CREBRF: variants seen among roughly 807,000 people sequenced by gnomAD.
The protein encoded by CREBRF is CREB3 regulatory factor.
A neutral mutation model predicts 66.1 loss-of-function variants in CREBRF; 5 were observed. That is an observed-to-expected ratio of 0.08 (90% CI 0.04 to 0.16). The LOEUF is 0.16. CREBRF is among the 10% of genes least tolerant of loss of function. CREBRF has a pLI of 1.00. For synonymous variants in CREBRF, 229 were observed against 264.4 expected (o/e 0.87, Z 1.30); for missense variants, 531 against 744.9 (o/e 0.71, Z 3.34).
In CREBRF at chr5:173,090,438, A is replaced by G. The variant is rs1462478915; in HGVS notation, c.259A>G (p.Asn87Asp). 3 of 1,613,974 alleles carry G rather than the reference A, an allele frequency of 1.9e-6. No individual in the cohort carries two copies. The highest frequency in any genetic ancestry group is 2.5e-6 in the Non-Finnish European group (3 of 1,179,952). The part of the protein sequence containing the change: ...VLDNEGALTS[N>D]WEQWDTYCED... The stretch of plus-strand genomic sequence containing the variant: ...GGATAATGAGGGTGCTTTAACCTCA[A>G]ACTGGGAACAGTGGGATACATACTG... The change falls in exon 4 of 9, where the codon AAC becomes GAC. Residue 87 changes from asparagine to aspartate, a missense_variant. Transcript: ENST00000296953. This position sits in a 1 kb window ranked among gnomAD's most constrained non-coding sequence, Gnocchi z 4.5.
chr5:173,075,035 A>G (rs183715640), intron 1 of CREBRF, among the ~76,000 whole-genome samples: 47 of 152,354 alleles, frequency 3.1e-4, no homozygotes, highest in African/African-American at 1.1e-3. Context: ...TTACAAGGTC[A>G]TTATAAGTAC....
chr5:173,118,173 C>T (rs1759054091), intron 7 of CREBRF, among the ~76,000 whole-genome samples: 1 of 151,990 alleles, frequency 6.6e-6, no homozygotes, highest in Non-Finnish European at 1.5e-5. Flanking sequence ...GGTGCCTGGC[C>T]TGATTTTTGT....
chr5:173,134,428 GA>G lies in CREBRF; in HGVS notation c.*688del. The G allele has an allele frequency of 1.4e-5, 4 of 293,826 alleles. No homozygotes were observed. The highest frequency in any genetic ancestry group is 8.6e-5 in the South Asian group (3 of 34,700). 18.2% of individuals were successfully genotyped at this position (293,826 alleles called of 1,614,324 possible). A position where few individuals can be genotyped will look rare whatever the true frequency, so the allele number is the denominator to read the frequency against. ...TGAGAAAAAACAAGATATATAGATG[GA>G]AAAATTATGGGGTTTAAATGTTTTT... On this transcript the variant is annotated 3_prime_UTR_variant, in exon 9 of 9. Transcript: ENST00000296953.
intron 4 of CREBRF, among the ~76,000 whole-genome samples, chr5:173,099,862 G>T (rs534458457): frequency 6.8e-6 from 1 of 147,722 alleles, no homozygotes; most frequent in Non-Finnish European, 1.5e-5. Flanking sequence ...TTCATATTGT[G>T]TATCCCTTAA....
rs1407371126 is a variant in CREBRF, at chr5:173,136,125, G to A, written c.*2380G>A. 1 of 152,136 alleles carries A rather than the reference G, an allele frequency of 6.6e-6. No homozygotes were observed. The highest frequency in any genetic ancestry group is 1.5e-5 in the Non-Finnish European group (1 of 67,880). 9.4% of individuals were successfully genotyped at this position (152,136 alleles called of 1,614,324 possible). On this transcript the variant is annotated 3_prime_UTR_variant, in exon 9 of 9. Transcript: ENST00000296953. ...CACCTCATGATATTCAGCTGATAAG[G>A]TTTATAAAATTGCCCCTTTCTAGCT... is the stretch of plus-strand genomic sequence containing the variant.
chr5:173,082,711 C>G (rs1757994061), intron 2 of CREBRF, among the ~76,000 whole-genome samples: 1 of 150,820 alleles, frequency 6.6e-6, no homozygotes, highest in African/African-American at 2.4e-5. Flanking sequence ...AGTTTGAAAC[C>G]AGCCTGACCA....
chr5:173,105,437 T>G (rs1758726964), intron 4 of CREBRF, among the ~76,000 whole-genome samples: 1 of 152,044 alleles, frequency 6.6e-6, no homozygotes, highest in Non-Finnish European at 1.5e-5. Context: ...GAGCCAGTAA[T>G]TTTTGCTTAC....
intron 2 of CREBRF, among the ~76,000 whole-genome samples, chr5:173,082,836 C>CG (rs1385465176): frequency 5.4e-5 from 7 of 129,372 alleles, no homozygotes; most frequent in African/African-American, 2.0e-4. Context: ...ATGAACCCTG[C>CG]GGGGGGAGGT....
At chr5:173,085,403 C>A in intron 2 of CREBRF, 4 of 966,368 alleles carry the variant, frequency 4.1e-6, no homozygotes, top group Non-Finnish European at 4.8e-6. Context: ...ATTGTATCGT[C>A]AAATACATTC....
intron 1 of CREBRF, among the ~76,000 whole-genome samples, chr5:173,063,754 G>C (rs983228996): frequency 6.7e-6 from 1 of 149,268 alleles, no homozygotes; most frequent in African/African-American, 2.5e-5. Context: ...GGCGAGTCTT[G>C]CTCTGTCACC....
chr5:173,060,346 C>G (rs1757232907), intron 1 of CREBRF: 1 of 151,504 alleles, frequency 6.6e-6, no homozygotes, highest in Admixed American at 6.6e-5. Flanking sequence ...TTATCCTGCC[C>G]CAGCCTCCCG....
At chr5:173,058,952 T>A (rs1439401840) in intron 1 of CREBRF, among the ~76,000 whole-genome samples, 1 of 149,790 alleles carries the variant, frequency 6.7e-6, no homozygotes, top group Non-Finnish European at 1.5e-5. Context: ...CGTGCCACCA[T>A]GCCTGGCTAA....
intron 7 of CREBRF, among the ~76,000 whole-genome samples, chr5:173,114,319 C>T (rs1758934619): frequency 6.6e-6 from 1 of 152,120 alleles, no homozygotes; most frequent in Non-Finnish European, 1.5e-5. Context: ...CCCTGGCCGC[C>T]TCCTAGATAT....
At chr5:173,107,135 T>C (rs1200523340) in intron 4 of CREBRF, among the ~76,000 whole-genome samples, 2 of 152,198 alleles carry the variant, frequency 1.3e-5, no homozygotes, top group Admixed American at 1.3e-4. Context: ...TCCAGAATAG[T>C]ATATAAATGG....
rs1030605663 is a variant in CREBRF, at chr5:173,085,583, A to G, written c.10-918A>G. 2.2e-5 allele frequency: 12 copies of G among 547,890 alleles called. No homozygotes were observed. In the African/African-American group the frequency reaches 2.3e-4, roughly 10 times the overall value. 33.9% of individuals were successfully genotyped at this position (547,890 alleles called of 1,614,324 possible). On this transcript the variant is annotated intron_variant, in intron 2 of 8. Transcript: ENST00000296953. ...AGGTGCCTGCCAGCACGCCCGGCTA[A>G]TTTTTGTGTTTTTAGTAGAGACAGG...
At chr5:173,100,118 G>GTGTT (rs70984939) in intron 4 of CREBRF, among the ~76,000 whole-genome samples, 1 of 88,332 alleles carries the variant, frequency 1.1e-5, no homozygotes. Context: ...GTGTGTGTGT[G>GTGTT]TATATATATA....
intron 2 of CREBRF, chr5:173,085,741 C>T: frequency 1.3e-6 from 1 of 768,608 alleles, no homozygotes; most frequent in Non-Finnish European, 2.4e-6. Flanking sequence ...TTAGGCCTTT[C>T]TGTGTGAGTG....
Position 173,091,121 on chromosome 5 carries a change from A to G in CREBRF, c.942A>G (p.Gly314=). The G allele has an allele frequency of 6.2e-7, 1 of 1,614,236 alleles. No homozygotes were observed. Residue 314 remains glycine, a synonymous_variant, in exon 4 of 9, where the codon GGA becomes GGG. Transcript: ENST00000296953. ...PQEGPGSLAA[G]ESSSLSASTS... Reference sequence around the variant, plus strand: ...AAGGTCCTGGGTCACTTGCAGCAGGAGAGAGCAGCAGTCTTTCTGCCAGTA... The same window carrying G: ...AAGGTCCTGGGTCACTTGCAGCAGGGGAGAGCAGCAGTCTTTCTGCCAGTA...
intron 4 of CREBRF, chr5:173,092,379 AG>A: frequency 1.0e-6 from 1 of 985,462 alleles, no homozygotes; most frequent in South Asian, 4.7e-5. Flanking sequence ...AAAGGGACAA[AG>A]AAAATGAAAT....
Sources: allele counts gnomAD v4.1 joint callset (sites outside exome capture counted in the v4.1 genomes callset), GRCh38; gene constraint gnomAD v4.1.1; non-coding constraint Gnocchi (gnomAD v3.1); transcripts MANE v1.5; gene names NCBI Gene and HGNC (gene_info 2026-07-23, HGNC 2026-07-21).